The following GPD2 variants were observed in gnomAD, a reference collection of about 807,000 sequenced individuals.
GPD2 encodes glycerol-3-phosphate dehydrogenase 2, also known as glycerol-3-phosphate dehydrogenase, mitochondrial.
In GPD2, 54 loss-of-function variants were observed where a neutral mutation model predicts 82.4. The ratio of observed to expected loss-of-function variants is 0.66; its 90% CI spans 0.53 to 0.82. GPD2 has a LOEUF of 0.82. GPD2 is among the 40% of genes least tolerant of loss of function. The probability of loss-of-function intolerance (pLI) is 0.00; values close to 1 mark genes in which losing one functional copy is unlikely to be tolerated. For missense variants in GPD2, 748 were observed against 896.2 expected, an observed-to-expected ratio of 0.83 and a Z score of 2.11; for synonymous variants, 288 against 306.1, an observed-to-expected ratio of 0.94 and a Z score of 0.62.
At chr2:156,467,297 T>C (rs1419396256) in intron 1 of GPD2, among the ~76,000 whole-genome samples, 2 of 152,230 alleles carry the variant, frequency 1.3e-5, no homozygotes, top group Non-Finnish European at 1.5e-5. Flanking sequence ...AGCTAGAGTC[T>C]GGATGCCTTC....
At chr2:156,513,850 A>T (rs562432042) in intron 6 of GPD2, among the ~76,000 whole-genome samples, 2 of 152,304 alleles carry the variant, frequency 1.3e-5, no homozygotes, top group East Asian at 1.9e-4. Flanking sequence ...AATATATTAT[A>T]ATGTTGAAAG....
chr2:156,577,936 T>C (rs1350920607), intron 13 of GPD2, among the ~76,000 whole-genome samples: 1 of 152,136 alleles, frequency 6.6e-6, no homozygotes, highest in Non-Finnish European at 1.5e-5. Flanking sequence ...AAGTAGCATA[T>C]ATCATACCTA....
chr2:156,538,379 A>G lies in GPD2; in HGVS notation c.662-11229A>G, dbSNP rs149674635. 2.7e-3 allele frequency among the ~76,000 whole-genome samples: 418 copies of G among 152,248 alleles called. 3 individuals are homozygous for G. The highest frequency in any genetic ancestry group is 9.7e-3 in the African/African-American group (404 of 41,542). ...GTCCTTGCAGGAGGTAAACTCTTGGAGAAGATGGTGGGGGATAGAACCAAG... is the reference window on the plus strand; with the variant it reads ...GTCCTTGCAGGAGGTAAACTCTTGGGGAAGATGGTGGGGGATAGAACCAAG... On this transcript the variant is annotated intron_variant, in intron 6 of 16. Transcript: ENST00000438166.
chr2:156,470,335 A>G (rs1683286690), intron 1 of GPD2, among the ~76,000 whole-genome samples: 1 of 152,032 alleles, frequency 6.6e-6, no homozygotes, highest in Non-Finnish European at 1.5e-5. Flanking sequence ...AGCTGAAACT[A>G]GAGGTGTGCG....
At chr2:156,443,174 C>T (rs1682237554) in intron 1 of GPD2, among the ~76,000 whole-genome samples, 1 of 152,164 alleles carries the variant, frequency 6.6e-6, no homozygotes, top group South Asian at 2.1e-4. Flanking sequence ...ATGACATTTT[C>T]CCTCACAGCC....
intron 6 of GPD2, among the ~76,000 whole-genome samples, chr2:156,534,927 A>G (rs1223596593): frequency 6.6e-6 from 1 of 152,188 alleles, no homozygotes; most frequent in Non-Finnish European, 1.5e-5. Context: ...GAGAGAATCT[A>G]GGAAAGCTTC....
chr2:156,557,536 C>A lies in GPD2; in HGVS notation c.1119C>A (p.Asn373Lys). ...CAATTCCTTCAGAAGAAGATATCAA[C>A]TTCATTTTGAATGAAGTGCGTAATT... is the stretch of plus-strand genomic sequence containing the variant. ...HHPIPSEEDI[N>K]FILNEVRNYL... Residue 373 changes from asparagine to lysine, a missense_variant, in exon 9 of 17, where the codon AAC (asparagine) becomes AAA (lysine). Asn to Lys is a moderately conservative substitution (Grantham distance 94, BLOSUM62 0). Coordinates refer to ENST00000438166, the MANE Select transcript of GPD2 (RefSeq NM_000408.5). The A allele has an allele frequency of 6.2e-7, 1 of 1,603,366 alleles. No individual in the cohort carries two copies. Among genetic ancestry groups the A allele is most frequent in the Non-Finnish European group, 8.5e-7 (1 of 1,170,286 alleles).
intron 9 of GPD2, among the ~76,000 whole-genome samples, chr2:156,559,316 T>C (rs1240322069): frequency 3.3e-5 from 5 of 152,228 alleles, no homozygotes; most frequent in Admixed American, 3.3e-4. Context: ...CATGATTGTT[T>C]TGAATTAAAA....
At chr2:156,540,528 C>G (rs1284234832) in intron 6 of GPD2, among the ~76,000 whole-genome samples, 15 of 152,292 alleles carry the variant, frequency 9.8e-5, no homozygotes, top group Non-Finnish European at 1.5e-5. Context: ...GAAACATACC[C>G]ATTTACTGGC....
intron 13 of GPD2, among the ~76,000 whole-genome samples, chr2:156,573,146 A>G (rs1313967224): frequency 6.6e-6 from 1 of 152,164 alleles, no homozygotes; most frequent in East Asian, 1.9e-4. Flanking sequence ...GTGGGAGGAA[A>G]GGGTTTGATT....
the GPD2 span, among the ~76,000 whole-genome samples, chr2:156,416,627 T>A: frequency 6.6e-6 from 1 of 150,756 alleles, no homozygotes; most frequent in African/African-American, 2.4e-5. Flanking sequence ...CCTCCCAAAG[T>A]GCTAGGATTA....
At chr2:156,407,464 G>A in the GPD2 span, among the ~76,000 whole-genome samples, 1 of 151,916 alleles carries the variant, frequency 6.6e-6, no homozygotes, top group Non-Finnish European at 1.5e-5. Context: ...CTTTTTAGTG[G>A]CTCTATGTTC....
chr2:156,491,356 A>G (rs1363764644), intron 2 of GPD2, among the ~76,000 whole-genome samples: 1 of 152,244 alleles, frequency 6.6e-6, no homozygotes, highest in Non-Finnish European at 1.5e-5. Context: ...TGGACAACAC[A>G]TAAATGATTG....
intron 3 of GPD2, among the ~76,000 whole-genome samples, chr2:156,499,157 A>C (rs1573933697): frequency 6.6e-6 from 1 of 152,274 alleles, no homozygotes; most frequent in East Asian, 1.9e-4. Context: ...TGTTCTACTT[A>C]TGGGTGGGAG....
In GPD2 at chr2:156,582,777, A is replaced by T. The variant is rs762427466; in HGVS notation, c.2059-16A>T. 6.2e-7 allele frequency: 1 copy of T among 1,612,410 alleles called. No individual in the cohort carries two copies. Among genetic ancestry groups the T allele is most frequent in the African/African-American group, 1.3e-5 (1 of 74,872 alleles). ...TTGGCCTGCGTTCTGAATCTGTTGCATATTTTCTCTTTAAGCTGATGAGTG... is the reference window on the plus strand; with the variant it reads ...TTGGCCTGCGTTCTGAATCTGTTGCTTATTTTCTCTTTAAGCTGATGAGTG... On this transcript the variant is annotated splice_polypyrimidine_tract_variant and intron_variant, in intron 16 of 16. Coordinates refer to ENST00000438166, the MANE Select transcript of GPD2 (RefSeq NM_000408.5).
chr2:156,407,956 T>G, the GPD2 span, among the ~76,000 whole-genome samples: 2 of 136,410 alleles, frequency 1.5e-5, no homozygotes, highest in Non-Finnish European at 3.2e-5. Flanking sequence ...TTTTTTTTTT[T>G]TTTTTTTTTT....
At chr2:156,522,795 T>C (rs767211552) in intron 6 of GPD2, among the ~76,000 whole-genome samples, 2 of 152,080 alleles carry the variant, frequency 1.3e-5, no homozygotes, top group African/African-American at 4.8e-5. Flanking sequence ...GCTAAAAATC[T>C]ACATTGATAG....
At chr2:156,409,859 C>T in the GPD2 span, among the ~76,000 whole-genome samples, 5 of 152,076 alleles carry the variant, frequency 3.3e-5, no homozygotes, top group Non-Finnish European at 7.4e-5. Context: ...GAGGTTGAGG[C>T]AGGAGGATCC....
At chr2:156,547,478 G>A (rs1573987346) in intron 6 of GPD2, among the ~76,000 whole-genome samples, 1 of 152,172 alleles carries the variant, frequency 6.6e-6, no homozygotes, top group Non-Finnish European at 1.5e-5. Flanking sequence ...ACAATTCTAG[G>A]TAGTATGAAC....
Sources: gnomAD v4.1 joint callset for allele counts (sites outside exome capture counted in the v4.1 genomes callset) on GRCh38, gnomAD v4.1.1 for gene constraint, MANE v1.5 for transcripts, NCBI Gene and HGNC (gene_info 2026-07-23, HGNC 2026-07-21) for gene names.